Variants in CASP9 observed in about 807,000 individuals in gnomAD.
CASP9 encodes the protein caspase-9.
Under a neutral mutation model 43.5 loss-of-function variants are expected in CASP9, and 29 were observed. The ratio of observed to expected loss-of-function variants is 0.67; its 90% CI spans 0.50 to 0.91. The LOEUF (loss-of-function observed/expected upper bound fraction) is 0.91, where lower values mean the gene tolerates loss of function less well. Ranked by LOEUF, CASP9 falls within the 40% of genes least tolerant of loss-of-function variation. CASP9 has a pLI of 0.00. For synonymous variants in CASP9, 206 were observed against 211.9 expected (o/e 0.97, Z 0.24); for missense variants, 575 against 537.4 (o/e 1.07, Z -0.69).
chr1:15,519,075 A>G (rs1186404788), intron 1 of CASP9, among the ~76,000 whole-genome samples: 1 of 150,978 alleles, frequency 6.6e-6, no homozygotes, highest in Admixed American at 6.6e-5. Flanking sequence ...ACAGGGTTTC[A>G]CCATGTTGCC....
intron 1 of CASP9, among the ~76,000 whole-genome samples, chr1:15,519,500 T>C (rs1234969798): frequency 6.6e-6 from 1 of 152,082 alleles, no homozygotes; most frequent in Non-Finnish European, 1.5e-5. Context: ...GTTTTAAGAA[T>C]GGAGTGACAG....
At chr1:15,495,807 C>A (rs1038914063) in intron 6 of CASP9, among the ~76,000 whole-genome samples, 1 of 152,242 alleles carries the variant, frequency 6.6e-6, no homozygotes, top group African/African-American at 2.4e-5. Context: ...CTCTGCCCAC[C>A]TGGCACAAAT....
At chr1:15,524,569 A>G (rs866328215), upstream of CASP9, 3 of 334,354 alleles carry the variant, frequency 9.0e-6, no homozygotes, top group African/African-American at 1.3e-4. Context: ...CCCGCCCCGT[A>G]TCCCCGCACT....
intron 2 of CASP9, among the ~76,000 whole-genome samples, chr1:15,509,492 AG>A (rs1709658055): frequency 6.6e-6 from 1 of 150,622 alleles, no homozygotes; most frequent in Non-Finnish European, 1.5e-5. Context: ...AAAATTAGCC[AG>A]GCGAGGGGGC....
intron 6 of CASP9, among the ~76,000 whole-genome samples, chr1:15,503,223 CA>C (rs1047479750): frequency 3.4e-5 from 5 of 148,642 alleles, no homozygotes; most frequent in Admixed American, 1.3e-4. Context: ...CCTGTCTCTA[CA>C]AAAAAAAAAT....
rs883664 is a variant in CASP9 at position 15,492,558 on chromosome 1, G to A, written c.*385C>T. 2 of 188,750 alleles carry A rather than the reference G, an allele frequency of 1.1e-5. No individual in the cohort carries two copies. Among genetic ancestry groups the A allele is most frequent in the Non-Finnish European group, 2.2e-5 (2 of 92,660 alleles). The allele number at this position is 188,750 out of a possible 1,614,324, so 11.7% of individuals were successfully genotyped here. A position where few individuals can be genotyped will look rare whatever the true frequency, so the allele number is the denominator to read the frequency against. On this transcript the variant is annotated 3_prime_UTR_variant, in exon 9 of 9. Coordinates refer to ENST00000333868, the MANE Select transcript of CASP9 (RefSeq NM_001229.5). ...GACGCGTTACTGGCATTGAGGCAAGGGACAGTGCTGAACATCCCACAATGT... is the reference window on the plus strand; with the variant it reads ...GACGCGTTACTGGCATTGAGGCAAGAGACAGTGCTGAACATCCCACAATGT...
chr1:15,522,777 G>T (rs1156518664), intron 1 of CASP9, among the ~76,000 whole-genome samples: 1 of 152,148 alleles, frequency 6.6e-6, no homozygotes, highest in Non-Finnish European at 1.5e-5. Flanking sequence ...AGCTGGAGAC[G>T]GAGGGCAGTG....
chr1:15,517,655 G>T (rs1275051478), intron 2 of CASP9, among the ~76,000 whole-genome samples: 4 of 152,128 alleles, frequency 2.6e-5, no homozygotes, highest in Non-Finnish European at 5.9e-5. Flanking sequence ...AATGATACCT[G>T]CCTTGCAAGG....
chr1:15,507,195 C>T (rs755935219), intron 3 of CASP9, 120 bp from the exon 4 acceptor site: 44 of 1,155,624 alleles, frequency 3.8e-5, no homozygotes, highest in Non-Finnish European at 5.3e-5. Context: ...GGGTCTCCAC[C>T]CGGCATTCCA....
rs181558665 is a variant in CASP9 at position 15,518,774 on chromosome 1, G to A, written c.133-379C>T. ...GAATTCAGAGTCTTATGAGGTGGGA[G>A]GTAGATAGTGGCAAGGGACAAGGCC... On this transcript the variant is annotated intron_variant, in intron 1 of 8. Coordinates refer to ENST00000333868, the MANE Select transcript of CASP9 (RefSeq NM_001229.5). 1.2e-4 allele frequency among the ~76,000 whole-genome samples: 18 copies of A among 152,336 alleles called. No individual in the cohort carries two copies. In the East Asian group the frequency reaches 3.5e-3, roughly 29 times the overall value.
At chr1:15,499,543 T>C (rs1355283337) in intron 6 of CASP9, among the ~76,000 whole-genome samples, 1 of 152,260 alleles carries the variant, frequency 6.6e-6, no homozygotes, top group Non-Finnish European at 1.5e-5. Context: ...TTACACCTTC[T>C]AATCCAGTAA....
intron 7 of CASP9, among the ~76,000 whole-genome samples, chr1:15,494,489 C>T (rs529054410): frequency 5.3e-5 from 8 of 150,508 alleles, no homozygotes; most frequent in Non-Finnish European, 8.9e-5. Flanking sequence ...TACTTCAACC[C>T]GGGAGGTGGA....
At chr1:15,524,489 GC>G, upstream of CASP9, 2 of 715,832 alleles carry the variant, frequency 2.8e-6, no homozygotes, top group Admixed American at 1.4e-4. Context: ...CCGCGTCACC[GC>G]CCCGCCCCAG....
At chr1:15,509,928 A>G (rs1280309695) in intron 2 of CASP9, among the ~76,000 whole-genome samples, 1 of 152,020 alleles carries the variant, frequency 6.6e-6, no homozygotes, top group East Asian at 1.9e-4. Context: ...AAAGGTTATG[A>G]GATGTTTTTT....
At chr1:15,503,865 A>C (rs1316937852) in intron 6 of CASP9, among the ~76,000 whole-genome samples, 1 of 152,190 alleles carries the variant, frequency 6.6e-6, no homozygotes. Context: ...GCGCTCCCTG[A>C]TATTCCTGTC....
At chr1:15,498,522 G>GTC (rs34567745) in intron 6 of CASP9, among the ~76,000 whole-genome samples, 151,654 of 152,238 alleles carry the variant, frequency 1, 75,539 homozygotes, top group Middle Eastern at 1. Flanking sequence ...TTTTTAAAAA[G>GTC]ACATAAAACT....
At chr1:15,524,818 C>G (rs1710387868), upstream of CASP9, 1 of 961,224 alleles carries the variant, frequency 1.0e-6, no homozygotes. Context: ...CCCCAGGATT[C>G]GCTCTGCGTC....
At chr1:15,519,499 AT>A (rs1405952586) in intron 1 of CASP9, among the ~76,000 whole-genome samples, 3 of 152,182 alleles carry the variant, frequency 2.0e-5, no homozygotes, top group Admixed American at 6.6e-5. Context: ...AGTTTTAAGA[AT>A]GGAGTGACAG....
At chr1:15,496,323 G>A (rs2103328651) in intron 6 of CASP9, among the ~76,000 whole-genome samples, 1 of 152,334 alleles carries the variant, frequency 6.6e-6, no homozygotes, top group Middle Eastern at 3.4e-3. Context: ...ACTCAATGGT[G>A]AAAGACTGAA....
Sources: allele counts gnomAD v4.1 joint callset (sites outside exome capture counted in the v4.1 genomes callset), GRCh38; gene constraint gnomAD v4.1.1; transcripts MANE v1.5; gene names NCBI Gene and HGNC (gene_info 2026-07-23, HGNC 2026-07-21).